KHDRBS3: variants seen among roughly 807,000 people sequenced by gnomAD.
KHDRBS3 encodes KH RNA binding domain containing, signal transduction associated 3.
In KHDRBS3, 23 loss-of-function variants were observed where a neutral mutation model predicts 45.6. The observed-to-expected ratio is 0.50, with a 90% CI of 0.36 to 0.72. The LOEUF (loss-of-function observed/expected upper bound fraction) is 0.72. Among genes scored for constraint, KHDRBS3 ranks in the 30% least tolerant of loss-of-function variants. KHDRBS3 has a pLI of 0.00. For missense variants in KHDRBS3, 352 were observed against 424.8 expected (o/e 0.83, Z 1.51); for synonymous variants, 162 against 156.5 (o/e 1.04, Z -0.26).
chr8:135,470,575 CTTTTT>C (rs397962210), intron 1 of KHDRBS3, among the ~76,000 whole-genome samples: 2 of 141,888 alleles, frequency 1.4e-5, no homozygotes, highest in African/African-American at 5.2e-5. Flanking sequence ...GGTTTTGCTG[CTTTTT>C]TTTTTTTTTC....
intron 4 of KHDRBS3, among the ~76,000 whole-genome samples, chr8:135,655,011 G>A (rs1001945012): frequency 6.6e-6 from 1 of 152,212 alleles, no homozygotes; most frequent in Non-Finnish European, 1.5e-5. Flanking sequence ...TGATGGGATG[G>A]TGCTGTGTAA....
intron 7 of KHDRBS3, among the ~76,000 whole-genome samples, chr8:135,613,753 C>T (rs1329907482): frequency 6.6e-6 from 1 of 151,516 alleles, no homozygotes. Flanking sequence ...CACTGAGAGT[C>T]GGTAAGGTCA....
intron 7 of KHDRBS3, among the ~76,000 whole-genome samples, chr8:135,622,338 C>T (rs1830181738): frequency 6.6e-6 from 1 of 152,080 alleles, no homozygotes; most frequent in Non-Finnish European, 1.5e-5. Flanking sequence ...AAATACAATA[C>T]TATAAGTGTC....
At chr8:135,608,169 A>G (rs1400841232) in intron 7 of KHDRBS3, among the ~76,000 whole-genome samples, 3 of 152,214 alleles carry the variant, frequency 2.0e-5, no homozygotes, top group Non-Finnish European at 4.4e-5. Context: ...CATTGTATAC[A>G]TGAAGAAAAG....
intron 7 of KHDRBS3, among the ~76,000 whole-genome samples, chr8:135,619,283 C>A (rs1241885438): frequency 3.9e-5 from 6 of 152,114 alleles, no homozygotes; most frequent in East Asian, 1.9e-4. Flanking sequence ...AGAAGTATTT[C>A]ATCCAATTGC....
intron 7 of KHDRBS3, among the ~76,000 whole-genome samples, chr8:135,630,689 C>G (rs1830559834): frequency 1.3e-5 from 2 of 152,082 alleles, no homozygotes; most frequent in South Asian, 2.1e-4. Context: ...TATCATTGCA[C>G]TGAATACTGT....
chr8:135,578,992 A>C (rs952526756), intron 5 of KHDRBS3, among the ~76,000 whole-genome samples: 2 of 152,056 alleles, frequency 1.3e-5, no homozygotes, highest in African/African-American at 4.8e-5. Flanking sequence ...CCAATTATTT[A>C]TTGCTGGTAT....
At chr8:135,550,271 C>T (rs1033988929) in intron 4 of KHDRBS3, among the ~76,000 whole-genome samples, 7 of 152,128 alleles carry the variant, frequency 4.6e-5, no homozygotes, top group Non-Finnish European at 1.0e-4. Context: ...GAGGTAGACT[C>T]TAATTTACCT....
At chr8:135,489,162 T>C (rs950704021) in intron 1 of KHDRBS3, among the ~76,000 whole-genome samples, 3 of 152,168 alleles carry the variant, frequency 2.0e-5, no homozygotes, top group African/African-American at 4.8e-5. Flanking sequence ...TTTTTGGTAA[T>C]TCTGTCCAAT....
downstream of KHDRBS3, chr8:135,647,900 G>A (rs1402397022): frequency 6.6e-6 from 1 of 152,082 alleles, no homozygotes; most frequent in Admixed American, 6.5e-5. Flanking sequence ...AATAACTACT[G>A]GATTTTCTGA....
chr8:135,473,259 C>T (rs1822104205), intron 1 of KHDRBS3, among the ~76,000 whole-genome samples: 1 of 152,124 alleles, frequency 6.6e-6, no homozygotes, highest in Non-Finnish European at 1.5e-5. Context: ...TCATTGGTGA[C>T]CACGTGGCTT....
downstream of KHDRBS3, among the ~76,000 whole-genome samples, chr8:135,649,557 A>G (rs1416104968): frequency 2.0e-5 from 3 of 152,134 alleles, no homozygotes; most frequent in Non-Finnish European, 4.4e-5. Flanking sequence ...ATTTTTGTAG[A>G]CCAAACTAAG....
At chr8:135,518,220 TGGA>T (rs1426594346) in intron 1 of KHDRBS3, among the ~76,000 whole-genome samples, 1 of 152,074 alleles carries the variant, frequency 6.6e-6, no homozygotes, top group Admixed American at 6.6e-5. Context: ...CTGCCCAGGG[TGGA>T]GGTGCAGTGA....
At chr8:135,535,571 T>C (rs1825706574) in intron 2 of KHDRBS3, among the ~76,000 whole-genome samples, 2 of 151,918 alleles carry the variant, frequency 1.3e-5, no homozygotes, top group African/African-American at 4.8e-5. Context: ...ACAGTTATTA[T>C]ATATTTATAT....
chr8:135,589,980 A>G (rs1828673430), intron 6 of KHDRBS3, among the ~76,000 whole-genome samples: 1 of 152,214 alleles, frequency 6.6e-6, no homozygotes, highest in African/African-American at 2.4e-5. Context: ...TAATATAAAG[A>G]TTATTATTCT....
intron 7 of KHDRBS3, among the ~76,000 whole-genome samples, chr8:135,624,555 G>A (rs1027316568): frequency 4.6e-5 from 7 of 152,146 alleles, no homozygotes; most frequent in South Asian, 2.1e-4. Context: ...CAATGATGCC[G>A]CTTGCTTTTT....
intron 6 of KHDRBS3, among the ~76,000 whole-genome samples, chr8:135,595,053 C>A (rs1046284408): frequency 6.6e-6 from 1 of 152,220 alleles, no homozygotes; most frequent in African/African-American, 2.4e-5. Flanking sequence ...TTGCTACACA[C>A]AGCATTGATG....
chr8:135,634,331 G>C (rs1006421334), intron 7 of KHDRBS3, among the ~76,000 whole-genome samples: 1 of 152,160 alleles, frequency 6.6e-6, no homozygotes, highest in Middle Eastern at 3.2e-3. Context: ...ATGTCTAACA[G>C]TCAGGTTCAC....
downstream of KHDRBS3, among the ~76,000 whole-genome samples, chr8:135,651,368 G>A (rs1831424892): frequency 6.6e-6 from 1 of 151,486 alleles, no homozygotes; most frequent in Non-Finnish European, 1.5e-5. Flanking sequence ...AAGATTAGAA[G>A]CATGCCTGGG....
Sources: allele counts gnomAD v4.1 joint callset (sites outside exome capture counted in the v4.1 genomes callset), GRCh38; gene constraint gnomAD v4.1.1; transcripts MANE v1.5; gene names NCBI Gene and HGNC (gene_info 2026-07-23, HGNC 2026-07-21).